AVEN: variants seen among roughly 807,000 people sequenced by gnomAD.
AVEN encodes apoptosis and caspase activation inhibitor.
A neutral mutation model predicts 38.1 loss-of-function variants in AVEN; 41 were observed. That is an observed-to-expected ratio of 1.08 (90% confidence interval 0.84 to 1.40). The LOEUF is 1.40. Ranked by LOEUF, AVEN falls within the 40% of genes most tolerant of loss-of-function variation. The pLI is 0.00. For missense variants in AVEN, 605 were observed against 438.8 expected (o/e 1.38, Z -3.38); for synonymous variants, 206 against 171.8 (o/e 1.20, Z -1.56).
chr15:33,854,312 C>G, downstream of AVEN: 6 of 1,232,048 alleles, frequency 4.9e-6, no homozygotes, highest in Non-Finnish European at 6.9e-6. Context: ...AGAGAAAAAA[C>G]TTACTTTTTC....
In AVEN at chr15:34,039,043, G is replaced by A. The variant is rs1483777206; in HGVS notation, c.4C>T (p.Gln2Ter). 4.5e-6 allele frequency: 5 copies of A among 1,108,568 alleles called. No homozygotes were observed. The highest frequency in any genetic ancestry group is 4.1e-5 in the South Asian group (1 of 24,386). The allele number at this position is 1,108,568 out of a possible 1,614,324, so 68.7% of individuals were successfully genotyped here. ...CCTCCCCGAGCTCCTCGCTCCGCCT[G>A]CATCTGGCCGCCGCTGGCGGTGCTG... is the stretch of plus-strand genomic sequence containing the variant. M[Q>*]AERGARGGRG... is the part of the protein sequence containing the mutation. The change falls in exon 1 of 6, where the codon CAG (glutamine) becomes TAG (stop). Residue 2 changes from glutamine to a stop codon, truncating the protein, a stop_gained. Coordinates refer to ENST00000306730, the MANE Select transcript of AVEN (RefSeq NM_020371.3). LOFTEE classifies it high-confidence loss of function.
intron 4 of AVEN, among the ~76,000 whole-genome samples, chr15:33,868,544 CAAAAAAAA>C (rs35851228): frequency 3.0e-5 from 2 of 66,250 alleles, no homozygotes; most frequent in Admixed American, 2.1e-4. Context: ...GACTCCGTCT[CAAAAAAAA>C]AAAAAAAAAA....
In AVEN at chr15:33,876,727, G is replaced by A. The variant is rs532166113; in HGVS notation, c.446-732C>T. Among the ~76,000 whole-genome samples, 14 of 152,128 alleles carry A rather than the reference G, an allele frequency of 9.2e-5. No homozygotes were observed. The East Asian group carries it at 2.7e-3, about 29-fold the overall frequency. On this transcript the variant is annotated intron_variant, in intron 2 of 5. Transcript: ENST00000306730. ...TCTACTGTCACTCCAAAAATCACCT[G>A]GTCAGAATGTCAAACATATTTTGAT...
intron 2 of AVEN, among the ~76,000 whole-genome samples, chr15:33,912,513 C>A (rs1224332971): frequency 6.6e-6 from 1 of 152,168 alleles, no homozygotes; most frequent in Non-Finnish European, 1.5e-5. Context: ...AATTCTTGGT[C>A]AAAGGGCAAA....
At chr15:34,008,557 C>T (rs933597226) in intron 1 of AVEN, among the ~76,000 whole-genome samples, 33 of 144,918 alleles carry the variant, frequency 2.3e-4, no homozygotes, top group Admixed American at 1.6e-3. Flanking sequence ...GGCACAATCT[C>T]GGCTCGCTGC....
chr15:34,039,696 C>T (rs1899384576), upstream of AVEN, among the ~76,000 whole-genome samples: 1 of 152,134 alleles, frequency 6.6e-6, no homozygotes, highest in Non-Finnish European at 1.5e-5. Flanking sequence ...GCGTCAAAGT[C>T]CTCAGCAGAA....
chr15:34,027,475 G>C (rs538431863), intron 1 of AVEN, among the ~76,000 whole-genome samples: 16 of 150,586 alleles, frequency 1.1e-4, no homozygotes, highest in African/African-American at 3.6e-4. Context: ...GTTGCAGTGA[G>C]CTGAGATTGC....
intron 2 of AVEN, among the ~76,000 whole-genome samples, chr15:33,949,054 G>A (rs960934257): frequency 6.6e-6 from 1 of 151,532 alleles, no homozygotes; most frequent in Non-Finnish European, 1.5e-5. Context: ...ACGGAGTTTT[G>A]CCCTTGTTGC....
chr15:34,002,993 C>A, intron 2 of AVEN, 39 bp downstream of exon 2: 1 of 1,511,562 alleles, frequency 6.6e-7, no homozygotes, highest in South Asian at 1.3e-5. Context: ...GTGCAACTTT[C>A]AGAGCACTAA....
upstream of AVEN, among the ~76,000 whole-genome samples, chr15:34,043,258 A>AG (rs1899553539): frequency 6.6e-6 from 1 of 152,030 alleles, no homozygotes; most frequent in Non-Finnish European, 1.5e-5. Flanking sequence ...AAAAAAAAAA[A>AG]AAGACTATGG....
Position 34,064,515 on chromosome 15 carries a change from T to C in AVEN, n.1127-1083A>G. 6.1e-6 allele frequency: 4 copies of C among 655,442 alleles called. No individual in the cohort carries two copies. The South Asian group carries it at 6.2e-5, about 10-fold the overall frequency. 40.6% of individuals were successfully genotyped at this position (655,442 alleles called of 1,614,324 possible). A position where few individuals can be genotyped will look rare whatever the true frequency, so the allele number is the denominator to read the frequency against. On this transcript the variant is annotated intron_variant and non_coding_transcript_variant, in intron 4 of 11. Transcript: ENST00000675287. ...AATTGCTGACATATTAAATGACTCT[T>C]GCCTATGACCAAGGCCATTTGATGC...
intron 2 of AVEN, among the ~76,000 whole-genome samples, chr15:33,901,784 A>G (rs200903264): frequency 3.9e-5 from 6 of 152,166 alleles, no homozygotes; most frequent in East Asian, 3.9e-4. Flanking sequence ...ACCTTTTCAT[A>G]TATCTGTTGG....
In AVEN at chr15:33,917,373, T is replaced by TGTGTGC. The variant is rs1244437572; in HGVS notation, c.446-41379_446-41378insGCACAC. Among the ~76,000 whole-genome samples the TGTGTGC allele has an allele frequency of 7.0e-4, 26 of 37,238 alleles. No individual in the cohort carries two copies. In the South Asian group the frequency reaches 0.038, roughly 54 times the overall value. The allele number at this position is 37,238 out of a possible 152,430, so 24.4% of individuals were successfully genotyped here. A position where few individuals can be genotyped will look rare whatever the true frequency, so the allele number is the denominator to read the frequency against. ...TGTGGTGTGTGTGTGTGTGTGTGTG[T>TGTGTGC]GTATACACACACACACACACACACA... On this transcript the variant is annotated intron_variant, in intron 2 of 5. Coordinates refer to ENST00000306730, the MANE Select transcript of AVEN (RefSeq NM_020371.3).
intron 2 of AVEN, among the ~76,000 whole-genome samples, chr15:33,879,591 G>A (rs985098356): frequency 3.9e-5 from 6 of 152,042 alleles, no homozygotes; most frequent in African/African-American, 9.7e-5. Flanking sequence ...GCAATGTCTC[G>A]AAAATAATAA....
In AVEN at chr15:34,039,114, G is replaced by A; in HGVS notation, c.-68C>T. The A allele has an allele frequency of 9.5e-7, 1 of 1,054,150 alleles. No individual in the cohort carries two copies. The highest frequency in any genetic ancestry group is 1.1e-6 in the Non-Finnish European group (1 of 874,714). The allele number at this position is 1,054,150 out of a possible 1,614,324, so 65.3% of individuals were successfully genotyped here. On this transcript the variant is annotated 5_prime_UTR_variant, in exon 1 of 6. Transcript: ENST00000306730. ...CGGCGGAGACGCCCTGGCCCCACCG[G>A]AAGCGGGCCGCACGGAGGAGCCGCG... is the stretch of plus-strand genomic sequence containing the variant.
At chr15:33,946,156 C>T (rs1894501935) in intron 2 of AVEN, among the ~76,000 whole-genome samples, 1 of 152,092 alleles carries the variant, frequency 6.6e-6, no homozygotes, top group African/African-American at 2.4e-5. Flanking sequence ...TGTACTTCCT[C>T]CCAAATACTC....
At chr15:33,858,771 C>T (rs2080002858), downstream of AVEN, 1 of 152,254 alleles carries the variant, frequency 6.6e-6, no homozygotes, top group South Asian at 2.1e-4. Flanking sequence ...GCAACATCGC[C>T]AGTTTATTTT....
downstream of AVEN, chr15:33,854,738 T>C (rs2079468540): frequency 6.3e-7 from 1 of 1,583,256 alleles, no homozygotes; most frequent in African/African-American, 1.4e-5. Context: ...GCAAACATGC[T>C]TAAAAGTCTG....
chr15:33,873,343 G>A (rs1269660729), intron 3 of AVEN, among the ~76,000 whole-genome samples: 2 of 150,106 alleles, frequency 1.3e-5, no homozygotes, highest in Admixed American at 6.6e-5. Context: ...CAGGTAATCT[G>A]CCCACCTCGG....
Sources: gnomAD v4.1 joint callset for allele counts (sites outside exome capture counted in the v4.1 genomes callset) on GRCh38, gnomAD v4.1.1 for gene constraint, MANE v1.5 for transcripts, NCBI Gene and HGNC (gene_info 2026-07-23, HGNC 2026-07-21) for gene names.